SLC9A9: variants seen among roughly 807,000 people sequenced by gnomAD.
SLC9A9 encodes the protein solute carrier family 9 member A9.
Under a neutral mutation model 77.8 loss-of-function variants are expected in SLC9A9, and 62 were observed. The observed-to-expected ratio is 0.80, with a 90% CI of 0.65 to 0.98. The LOEUF is 0.98. SLC9A9 is among the 50% of genes least tolerant of loss of function. The pLI, the probability that SLC9A9 is intolerant of heterozygous loss-of-function variation, is 0.00. For synonymous variants in SLC9A9, 320 were observed against 283.5 expected, an observed-to-expected ratio of 1.13 and a Z score of -1.29; for missense variants, 775 against 774.9, an observed-to-expected ratio of 1.00 and a Z score of 0.00.
intron 1 of SLC9A9, among the ~76,000 whole-genome samples, chr3:143,843,108 TC>T (rs1228453509): frequency 6.6e-6 from 1 of 152,118 alleles, no homozygotes; most frequent in Non-Finnish European, 1.5e-5. Flanking sequence ...ATCAATATTT[TC>T]TCTATAAAAA....
intron 1 of SLC9A9, among the ~76,000 whole-genome samples, chr3:143,846,284 T>C (rs2009828554): frequency 6.6e-6 from 1 of 152,236 alleles, no homozygotes; most frequent in Admixed American, 6.5e-5. Context: ...TGGCAATCTA[T>C]TAAATCTGGG....
At chr3:143,393,841 G>C (rs1190628701) in intron 12 of SLC9A9, among the ~76,000 whole-genome samples, 1 of 151,946 alleles carries the variant, frequency 6.6e-6, no homozygotes, top group Non-Finnish European at 1.5e-5. Flanking sequence ...AAATAAACTA[G>C]AAAATCTAGA....
At chr3:143,792,524 A>G (rs2008254629) in intron 4 of SLC9A9, among the ~76,000 whole-genome samples, 1 of 152,020 alleles carries the variant, frequency 6.6e-6, no homozygotes, top group Non-Finnish European at 1.5e-5. Context: ...TTCCTATCCC[A>G]TTTGACCTCT....
At chr3:143,383,926 T>C (rs946685776) in intron 12 of SLC9A9, among the ~76,000 whole-genome samples, 2 of 152,198 alleles carry the variant, frequency 1.3e-5, no homozygotes, top group Non-Finnish European at 2.9e-5. Flanking sequence ...CCCGCCTGTT[T>C]AAAATACCTC....
chr3:143,687,954 C>A (rs1192730238), intron 5 of SLC9A9, among the ~76,000 whole-genome samples: 3 of 151,924 alleles, frequency 2.0e-5, no homozygotes, highest in African/African-American at 7.3e-5. Flanking sequence ...GATAAGTAAC[C>A]ATCTTACCAA....
chr3:143,328,096 T>C (rs144225627), intron 14 of SLC9A9, among the ~76,000 whole-genome samples: 2 of 151,336 alleles, frequency 1.3e-5, no homozygotes, highest in Non-Finnish European at 2.9e-5. Flanking sequence ...TTTCTTTAAA[T>C]AAACAATTAC....
intron 2 of SLC9A9, among the ~76,000 whole-genome samples, chr3:143,812,169 A>G (rs1387189459): frequency 6.6e-6 from 1 of 152,212 alleles, no homozygotes; most frequent in South Asian, 2.1e-4. Flanking sequence ...TATACTTTGT[A>G]TTACTCCTAA....
chr3:143,350,968 G>C, intron 14 of SLC9A9, among the ~76,000 whole-genome samples: 1 of 152,122 alleles, frequency 6.6e-6, no homozygotes, highest in East Asian at 1.9e-4. Flanking sequence ...CAGAATTGAG[G>C]GCTCTCTCTC....
At chr3:143,794,259 A>C (rs911519793) in intron 4 of SLC9A9, among the ~76,000 whole-genome samples, 2 of 152,102 alleles carry the variant, frequency 1.3e-5, no homozygotes, top group East Asian at 1.9e-4. Context: ...AAAATCAAGG[A>C]TAGAGTTGAC....
intron 13 of SLC9A9, among the ~76,000 whole-genome samples, chr3:143,365,213 G>A (rs2032864014): frequency 6.6e-6 from 1 of 152,096 alleles, no homozygotes; most frequent in Admixed American, 6.5e-5. Context: ...ACTTATAAGT[G>A]GAAGCTAAAT....
At chr3:143,581,041 G>T (rs2037442460) in intron 6 of SLC9A9, among the ~76,000 whole-genome samples, 2 of 152,342 alleles carry the variant, frequency 1.3e-5, no homozygotes, top group South Asian at 4.1e-4. Context: ...AAATGTAAAT[G>T]ACAAATAGCT....
intron 13 of SLC9A9, among the ~76,000 whole-genome samples, chr3:143,364,646 C>T (rs2032850030): frequency 6.6e-6 from 1 of 152,168 alleles, no homozygotes; most frequent in Non-Finnish European, 1.5e-5. Context: ...CTGTGTTCTA[C>T]CCATGAAACG....
rs1378577306 is a variant in SLC9A9, at chr3:143,679,231, A to C, written c.649+13961T>G. ...TAGCTCCTTGCCACACAAAGCATGCACAACTGGCTAAACACTGGGGCAGGT... is the reference window on the plus strand; with the variant it reads ...TAGCTCCTTGCCACACAAAGCATGCCCAACTGGCTAAACACTGGGGCAGGT... On this transcript the variant is annotated intron_variant, in intron 5 of 15. Transcript: ENST00000316549. Among the ~76,000 whole-genome samples, 15 of 152,352 alleles carry C rather than the reference A, an allele frequency of 9.8e-5. No individual in the cohort carries two copies. In the East Asian group the frequency reaches 2.3e-3, roughly 23 times the overall value.
At chr3:143,352,592 G>A (rs1480972989) in intron 14 of SLC9A9, among the ~76,000 whole-genome samples, 4 of 133,526 alleles carry the variant, frequency 3.0e-5, no homozygotes, top group Non-Finnish European at 6.1e-5. Flanking sequence ...TGGCTTTTTA[G>A]CTAAAAAACA....
At chr3:143,664,568 C>T (rs1187423066) in intron 5 of SLC9A9, among the ~76,000 whole-genome samples, 5 of 152,172 alleles carry the variant, frequency 3.3e-5, no homozygotes, top group African/African-American at 1.2e-4. Flanking sequence ...CATCAGTGTG[C>T]TGTATTCAGG....
chr3:143,746,104 G>C (rs1214121160), intron 4 of SLC9A9, among the ~76,000 whole-genome samples: 1 of 152,094 alleles, frequency 6.6e-6, no homozygotes, highest in East Asian at 1.9e-4. Flanking sequence ...CAGCCCAGTA[G>C]GCCATGGCTA....
intron 5 of SLC9A9, among the ~76,000 whole-genome samples, chr3:143,678,536 T>C (rs1932964310): frequency 6.6e-6 from 1 of 152,224 alleles, no homozygotes; most frequent in Admixed American, 6.5e-5. Flanking sequence ...GTACCATTTG[T>C]TAAATAAACC....
At chr3:143,567,021 T>C (rs2037180135) in intron 8 of SLC9A9, among the ~76,000 whole-genome samples, 1 of 152,162 alleles carries the variant, frequency 6.6e-6, no homozygotes, top group African/African-American at 2.4e-5. Context: ...TCAATATTCA[T>C]TTAAAAATAA....
chr3:143,406,805 G>A (rs1223110640), intron 12 of SLC9A9, among the ~76,000 whole-genome samples: 2 of 151,674 alleles, frequency 1.3e-5, no homozygotes, highest in African/African-American at 4.8e-5. Context: ...GCAAAACCCT[G>A]TCTCTACTAA....
Sources: gnomAD v4.1 joint callset for allele counts (sites outside exome capture counted in the v4.1 genomes callset) on GRCh38, gnomAD v4.1.1 for gene constraint, MANE v1.5 for transcripts, NCBI Gene and HGNC (gene_info 2026-07-23, HGNC 2026-07-21) for gene names.